Variants in PHEX observed in about 807,000 individuals in gnomAD.
The protein encoded by PHEX is phosphate-regulating neutral endopeptidase PHEX.
In PHEX, 16 loss-of-function variants were observed where a neutral mutation model predicts 68.0. The ratio of observed to expected loss-of-function variants is 0.24; its 90% CI spans 0.16 to 0.36. The LOEUF is 0.36. Ranked by LOEUF, PHEX falls within the 10% of genes least tolerant of loss-of-function variation. The pLI is 1.00. For synonymous variants in PHEX, 208 were observed against 205.1 expected (o/e 1.01, Z -0.12); for missense variants, 480 against 575.5 (o/e 0.83, Z 1.70).
intron 12 of PHEX, among the ~76,000 whole-genome samples, chrX:22,156,914 A>T (rs1487477942): frequency 9.2e-6 from 1 of 109,101 alleles, no homozygotes; most frequent in Non-Finnish European, 1.9e-5. Flanking sequence ...ACAGGGTCTC[A>T]CTCTGTTGCC....
chrX:22,223,598 A>C (rs1935340432), intron 18 of PHEX, among the ~76,000 whole-genome samples: 1 of 111,432 alleles, frequency 9.0e-6, no homozygotes, highest in Non-Finnish European at 1.9e-5. Flanking sequence ...TTTTTTAAAA[A>C]ATTAGCCGGG....
At chrX:22,247,776 T>A in intron 21 of PHEX, 75 bp from the exon 22 acceptor site, 2 of 727,367 alleles carry the variant, frequency 2.7e-6, no homozygotes, top group South Asian at 4.3e-5. Context: ...CTAGCAATAT[T>A]CTGCTACAGT....
intron 2 of PHEX, among the ~76,000 whole-genome samples, chrX:22,041,261 CTCTCTATATATATATATA>C (rs1444169668): frequency 4.1e-4 from 27 of 65,501 alleles, no homozygotes; most frequent in Admixed American, 1.9e-3. Flanking sequence ...CTCTCTCTCT[CTCTCTATATATATATATA>C]TATATATATA....
At position 22,239,607 on chromosome X, in the gene PHEX, T is replaced by A. The variant is rs918186149; in HGVS notation, c.2071-5726T>A. On this transcript the variant is annotated intron_variant, in intron 20 of 21. Coordinates refer to ENST00000379374, the MANE Select transcript of PHEX (RefSeq NM_000444.6). ...TTTGTGAAGCATACACAAGTATCAA[T>A]AGCCGAACTGATCAAGCGGAAGAAA... is the stretch of plus-strand genomic sequence containing the variant. Among the ~76,000 whole-genome samples, 5 of 110,187 alleles carry A rather than the reference T, an allele frequency of 4.5e-5. No individual in the cohort carries two copies. The East Asian group carries it at 1.4e-3, about 32-fold the overall frequency.
intron 21 of PHEX, 60 bp from the exon 22 acceptor site, chrX:22,247,791 T>C (rs1256814445): frequency 1.2e-6 from 1 of 818,909 alleles, no homozygotes; most frequent in Non-Finnish European, 1.9e-6. Flanking sequence ...TACAGTTTTA[T>C]ACAGAACCTG....
intron 11 of PHEX, among the ~76,000 whole-genome samples, chrX:22,123,782 T>C (rs1931592026): frequency 9.1e-6 from 1 of 110,226 alleles, no homozygotes; most frequent in African/African-American, 3.3e-5. Context: ...TACAAGAGTC[T>C]CATGAAATTA....
intron 9 of PHEX, among the ~76,000 whole-genome samples, chrX:22,108,209 G>T (rs1930787889): frequency 8.9e-6 from 1 of 111,920 alleles, no homozygotes; most frequent in Non-Finnish European, 1.9e-5. Flanking sequence ...TTGCTGATTA[G>T]TGCAGTGGTG....
chrX:22,074,328 C>T (rs1321948597), intron 3 of PHEX, among the ~76,000 whole-genome samples: 5 of 109,360 alleles, frequency 4.6e-5, no homozygotes, highest in African/African-American at 6.7e-5. Flanking sequence ...TGGCAAGGAA[C>T]TTGTGATAGC....
chrX:22,165,496 A>AGAGGCG (rs1282420641), intron 12 of PHEX, among the ~76,000 whole-genome samples: 4 of 111,355 alleles, frequency 3.6e-5, no homozygotes, highest in African/African-American at 9.8e-5. Flanking sequence ...GGGTGGAGGC[A>AGAGGCG]GAGGCGGAGG....
intron 1 of PHEX, among the ~76,000 whole-genome samples, chrX:22,035,987 A>G (rs1180913006): frequency 2.3e-5 from 2 of 88,116 alleles, no homozygotes; most frequent in African/African-American, 8.8e-5. Flanking sequence ...CAGTGTCCCA[A>G]TTAATTAATT....
At chrX:22,180,662 A>T (rs1285537785) in intron 14 of PHEX, among the ~76,000 whole-genome samples, 1 of 111,758 alleles carries the variant, frequency 8.9e-6, no homozygotes, top group Non-Finnish European at 1.9e-5. Context: ...AGTTATTTTT[A>T]AATCTATAAA....
chrX:22,242,119 C>G (rs749652675), intron 20 of PHEX, among the ~76,000 whole-genome samples: 2 of 111,824 alleles, frequency 1.8e-5, no homozygotes, highest in Non-Finnish European at 3.8e-5. Context: ...AAGGCTGGTT[C>G]AACATATGCA....
chrX:22,189,410 T>C (rs1306011648), intron 14 of PHEX, among the ~76,000 whole-genome samples: 1 of 111,391 alleles, frequency 9.0e-6, no homozygotes, highest in Non-Finnish European at 1.9e-5. Context: ...CCAAAATAAT[T>C]CCGTTATTCT....
At chrX:22,237,915 C>T (rs749515159) in intron 20 of PHEX, among the ~76,000 whole-genome samples, 31 of 112,773 alleles carry the variant, frequency 2.7e-4, no homozygotes, top group East Asian at 5.6e-4. Flanking sequence ...AGAAACAACA[C>T]GACAAAGTTT....
intron 14 of PHEX, among the ~76,000 whole-genome samples, chrX:22,187,917 C>T (rs916679210): frequency 8.9e-6 from 1 of 111,809 alleles, no homozygotes; most frequent in African/African-American, 3.3e-5. Context: ...AGGCCTCGTA[C>T]AAGCACATAA....
chrX:22,225,714 AAGTATGTAACATCCAGTCTT>A (rs1935471979), intron 18 of PHEX, among the ~76,000 whole-genome samples: 1 of 112,454 alleles, frequency 8.9e-6, no homozygotes, highest in South Asian at 3.6e-4. Context: ...CCAGTTGTTG[AAGTATGTAACATCCAGTCTT>A]ACCTTGAAGC....
At position 22,146,990 on chromosome X, in the gene PHEX, G is replaced by T. The variant is rs60680859; in HGVS notation, c.1404+13366G>T. Among the ~76,000 whole-genome samples the T allele has an allele frequency of 8.7e-3, 968 of 111,362 alleles. 42 individuals are homozygous for T. The East Asian group carries it at 0.17, about 20-fold the overall frequency. ...AGGGTATGTAAGAGACTGGTTGTCT[G>T]TGGGACTTTGAAAGCAGTTGGGAAA... On this transcript the variant is annotated intron_variant, in intron 12 of 21. Transcript: ENST00000379374.
chrX:22,214,331 G>A (rs1321058016), intron 16 of PHEX, among the ~76,000 whole-genome samples: 1 of 111,804 alleles, frequency 8.9e-6, no homozygotes, highest in African/African-American at 3.3e-5. Context: ...GTACCATTCA[G>A]ATAATTCAGG....
intron 20 of PHEX, among the ~76,000 whole-genome samples, chrX:22,242,285 A>G (rs1313192199): frequency 8.9e-6 from 1 of 112,066 alleles, no homozygotes; most frequent in African/African-American, 3.2e-5. Flanking sequence ...TCTCAAAATA[A>G]TAAGAGCTAT....
Sources: allele counts gnomAD v4.1 joint callset (sites outside exome capture counted in the v4.1 genomes callset), GRCh38; gene constraint gnomAD v4.1.1; transcripts MANE v1.5; gene names NCBI Gene and HGNC (gene_info 2026-07-23, HGNC 2026-07-21).